TNNI1: variants seen among roughly 807,000 people sequenced by gnomAD.
TNNI1 encodes the protein troponin I, slow skeletal muscle.
TNNI1 carries 14 observed loss-of-function variants against 26.7 expected under a neutral mutation model. The observed-to-expected ratio is 0.52, with a 90% CI of 0.35 to 0.82. The LOEUF (loss-of-function observed/expected upper bound fraction) is 0.82, where lower values mean the gene tolerates loss of function less well. Ranked by LOEUF, TNNI1 falls within the 40% of genes least tolerant of loss-of-function variation. TNNI1 has a pLI of 0.01. For synonymous variants in TNNI1, 79 were observed against 98.2 expected, an observed-to-expected ratio of 0.80 and a Z score of 1.16; for missense variants, 164 against 257.0, an observed-to-expected ratio of 0.64 and a Z score of 2.47.
chr1:201,418,240 G>A (rs1409881954), intron 1 of TNNI1, among the ~76,000 whole-genome samples: 1 of 151,982 alleles, frequency 6.6e-6, no homozygotes, highest in African/African-American at 2.4e-5. Context: ...GGAGGCCAAG[G>A]CGGGCAGTTC....
At chr1:201,413,485 C>T (rs1331592070) in intron 5 of TNNI1, among the ~76,000 whole-genome samples, 1 of 151,580 alleles carries the variant, frequency 6.6e-6, no homozygotes, top group Non-Finnish European at 1.5e-5. Context: ...GTGGCTCATC[C>T]CTGTAATCCC....
At chr1:201,418,450 A>C (rs1423180708) in intron 1 of TNNI1, among the ~76,000 whole-genome samples, 1 of 149,656 alleles carries the variant, frequency 6.7e-6, no homozygotes, top group East Asian at 2.0e-4. Flanking sequence ...CCTGGGTAAC[A>C]GAATGAGTCT....
chr1:201,418,931 T>TTCAA lies in TNNI1; in HGVS notation c.-19-1123_-19-1120dup, dbSNP rs535401166. Among the ~76,000 whole-genome samples the TTCAA allele has an allele frequency of 1.8e-3, 281 of 152,250 alleles. 1 individual carries two copies. The highest frequency in any genetic ancestry group is 6.2e-3 in the African/African-American group (259 of 41,540). On this transcript the variant is annotated intron_variant, in intron 1 of 8. Transcript: ENST00000361379. The stretch of plus-strand genomic sequence containing the variant: ...AAATCTTACTTGGAAGTAAAATAAA[T>TTCAA]TCAATCAGTAAAAGCAAAATGGCAT...
At chr1:201,420,165 A>G (rs1416267801) in intron 1 of TNNI1, among the ~76,000 whole-genome samples, 1 of 152,104 alleles carries the variant, frequency 6.6e-6, no homozygotes, top group East Asian at 1.9e-4. Flanking sequence ...CCTACCTTCC[A>G]AGGCCGGTTT....
intron 1 of TNNI1, among the ~76,000 whole-genome samples, 190 bp downstream of exon 1, chr1:201,421,483 C>T (rs796852643): frequency 5.9e-5 from 9 of 152,328 alleles, no homozygotes; most frequent in African/African-American, 2.2e-4. Flanking sequence ...AACAGTTTTG[C>T]AGGAGAGATG....
intron 3 of TNNI1, 73 bp from the exon 4 acceptor site, chr1:201,415,327 A>T (rs1662714464): frequency 6.6e-7 from 1 of 1,503,974 alleles, no homozygotes; most frequent in South Asian, 1.1e-5. Context: ...CTAGGACAAG[A>T]CAAGTGCCAG....
At chr1:201,419,523 G>A (rs1428220215) in intron 1 of TNNI1, among the ~76,000 whole-genome samples, 1 of 152,226 alleles carries the variant, frequency 6.6e-6, no homozygotes, top group African/African-American at 2.4e-5. Flanking sequence ...TCGGGGGCAG[G>A]AGTTTGGACT....
Position 201,414,691 on chromosome 1 carries a change from C to T in TNNI1, c.58-42G>A, listed in dbSNP as rs551280243. The T allele has an allele frequency of 3.5e-5, 56 of 1,599,472 alleles. 1 individual carries two copies. In the Admixed American group the frequency reaches 7.1e-4, roughly 20 times the overall value. ...TGCTGAGCTGGGGGCCTCACATCTC[C>T]CACCCGGCATCAGGGAATGAGGGGA... On this transcript the variant is annotated intron_variant, in intron 4 of 8. Transcript: ENST00000361379.
At chr1:201,416,476 T>A (rs1267002527) in intron 3 of TNNI1, among the ~76,000 whole-genome samples, 1 of 152,220 alleles carries the variant, frequency 6.6e-6, no homozygotes, top group African/African-American at 2.4e-5. Context: ...AGAATCTCTG[T>A]GCCAAATATC....
chr1:201,419,694 G>A (rs978267634), intron 1 of TNNI1, among the ~76,000 whole-genome samples: 2 of 152,176 alleles, frequency 1.3e-5, no homozygotes, highest in African/African-American at 4.8e-5. Context: ...AATGAACACA[G>A]CTTTGGCCAC....
In TNNI1 at chr1:201,404,538, A is replaced by G. The variant is rs1662479754; in HGVS notation, c.*4715T>C. On this transcript the variant is annotated 3_prime_UTR_variant, in exon 9 of 9. Coordinates refer to ENST00000361379, the MANE Select transcript of TNNI1 (RefSeq NM_003281.4). The stretch of plus-strand genomic sequence containing the variant: ...TTATTTTGTGAAGTAAGAGCATTAG[A>G]AAACAATTGCCACCTACTGTCCTCC... The G allele has an allele frequency of 6.6e-6, 1 of 152,240 alleles. No homozygotes were observed. 9.4% of individuals were successfully genotyped at this position (152,240 alleles called of 1,614,324 possible). A position where few individuals can be genotyped will look rare whatever the true frequency, so the allele number is the denominator to read the frequency against.
chr1:201,413,646 G>A (rs1662681479), intron 5 of TNNI1, among the ~76,000 whole-genome samples: 2 of 150,802 alleles, frequency 1.3e-5, no homozygotes, highest in South Asian at 4.2e-4. Context: ...TTAGTAGATT[G>A]AGACAGGAGA....
rs1213468744 is a variant in TNNI1, at chr1:201,408,572, G to A, written c.*681C>T. On this transcript the variant is annotated 3_prime_UTR_variant, in exon 9 of 9. Transcript: ENST00000361379. ...GGCAGGAGAAGCGGCTCTTAATGGA[G>A]AGGCCTCTTCTGATGGCCAGAGTCA... The A allele has an allele frequency of 6.5e-6, 1 of 152,706 alleles. No homozygotes were observed. Among genetic ancestry groups the A allele is most frequent in the African/African-American group, 2.4e-5 (1 of 41,428 alleles). 9.5% of individuals were successfully genotyped at this position (152,706 alleles called of 1,614,324 possible).
In TNNI1 at chr1:201,411,597, G is replaced by T; in HGVS notation, c.280-64C>A. The T allele has an allele frequency of 6.9e-7, 1 of 1,454,414 alleles. No homozygotes were observed. Among genetic ancestry groups the T allele is most frequent in the Non-Finnish European group, 9.1e-7 (1 of 1,099,922 alleles). The allele number at this position is 1,454,414 out of a possible 1,614,324, so 90.1% of individuals were successfully genotyped here. A position where few individuals can be genotyped will look rare whatever the true frequency, so the allele number is the denominator to read the frequency against. ...GCTAGCCACAGGACACCCTTCCTGAGGACCTCAGACTGCTAGGGTTCCAGC... is the reference window on the plus strand; with the variant it reads ...GCTAGCCACAGGACACCCTTCCTGATGACCTCAGACTGCTAGGGTTCCAGC... On this transcript the variant is annotated intron_variant, in intron 6 of 8. Transcript: ENST00000361379. The surrounding 1 kb of genome is among the most constrained non-coding windows in gnomAD (Gnocchi z 4.6).
chr1:201,420,331 G>T (rs1662832007), intron 1 of TNNI1, among the ~76,000 whole-genome samples: 1 of 152,246 alleles, frequency 6.6e-6, no homozygotes, highest in Admixed American at 6.5e-5. Flanking sequence ...AGCGAGGACT[G>T]ATAAGTCAGG....
rs536625874 is a variant in TNNI1, at chr1:201,411,998, A to G, written c.280-465T>C. ...CTGGTCCACAGCCCAAGAGTTGGAG[A>G]TCCCTGCTCTAGGACAGTCAGACCC... On this transcript the variant is annotated intron_variant, in intron 6 of 8. Transcript: ENST00000361379. The surrounding 1 kb of genome is among the most constrained non-coding windows in gnomAD (Gnocchi z 4.6). Among the ~76,000 whole-genome samples, 1 of 152,300 alleles carries G rather than the reference A, an allele frequency of 6.6e-6. No individual in the cohort carries two copies. The highest frequency in any genetic ancestry group is 2.4e-5 in the African/African-American group (1 of 41,570).
At chr1:201,414,326 C>T (rs1174734506) in intron 5 of TNNI1, among the ~76,000 whole-genome samples, 192 bp downstream of exon 5, 1 of 152,232 alleles carries the variant, frequency 6.6e-6, no homozygotes, top group African/African-American at 2.4e-5. Flanking sequence ...GTTCAGTGCC[C>T]GTAAAATGGA....
At chr1:201,419,274 G>GGGT (rs1662814056) in intron 1 of TNNI1, among the ~76,000 whole-genome samples, 1 of 152,252 alleles carries the variant, frequency 6.6e-6, no homozygotes, top group Non-Finnish European at 1.5e-5. Flanking sequence ...GCCAAAGAGG[G>GGGT]GGTCCGTGAG....
In TNNI1 at chr1:201,415,212, C is replaced by CT; in HGVS notation, c.57_57+1insA (p.Ser20LysfsTer21). 6.2e-7 allele frequency: 1 copy of CT among 1,613,970 alleles called. No homozygotes were observed. Among genetic ancestry groups the CT allele is most frequent in the South Asian group, 1.1e-5 (1 of 91,036 alleles). ...CCCCCACAGCCAGCCCCCAGCCTCA[C>CT]CTTCAGCAAGAGTTTGCGGGAGGCA... On this transcript the variant is annotated frameshift_variant and splice_region_variant. Coordinates refer to ENST00000361379, the MANE Select transcript of TNNI1 (RefSeq NM_003281.4). LOFTEE classifies it high-confidence loss of function.
Sources: allele counts gnomAD v4.1 joint callset (sites outside exome capture counted in the v4.1 genomes callset), GRCh38; gene constraint gnomAD v4.1.1; non-coding constraint Gnocchi (gnomAD v3.1); transcripts MANE v1.5; gene names NCBI Gene and HGNC (gene_info 2026-07-23, HGNC 2026-07-21).